The following INTS3 variants were observed in gnomAD, a reference collection of about 807,000 sequenced individuals.
The protein encoded by INTS3 is SOSS complex subunit A.
A neutral mutation model predicts 146.3 loss-of-function variants in INTS3; 34 were observed. The ratio of observed to expected loss-of-function variants is 0.23; its 90% confidence interval spans 0.18 to 0.31. The LOEUF is 0.31. INTS3 is among the 10% of genes least tolerant of loss of function. The pLI, the probability that INTS3 is intolerant of heterozygous loss-of-function variation, is 1.00. For synonymous variants in INTS3, 475 were observed against 494.9 expected, an observed-to-expected ratio of 0.96 and a Z score of 0.53; for missense variants, 757 against 1,304.2, an observed-to-expected ratio of 0.58 and a Z score of 6.46.
At position 153,772,803 on chromosome 1, in the gene INTS3, C is replaced by A; in HGVS notation, c.2894+92C>A. 1 of 1,576,950 alleles carries A rather than the reference C, an allele frequency of 6.3e-7. No homozygotes were observed. Among genetic ancestry groups the A allele is most frequent in the Non-Finnish European group, 8.6e-7 (1 of 1,158,468 alleles). On this transcript the variant is annotated intron_variant, in intron 28 of 29. Coordinates refer to ENST00000318967, the MANE Select transcript of INTS3 (RefSeq NM_023015.5). This position sits in a 1 kb window ranked among gnomAD's most constrained non-coding sequence, Gnocchi z 4.6. ...CTAGGGACATAAACGTAATGGCCAG[C>A]AAGACCTTAGGGTCCAGGGTTGAAG...
intron 23 of INTS3, 60 bp from the exon 24 acceptor site, chr1:153,770,134 GGTGT>G (rs375227443): frequency 1.0e-3 from 411 of 410,590 alleles, no homozygotes; most frequent in African/African-American, 1.9e-3. Flanking sequence ...GGGTGGGGGG[GGTGT>G]GTGTGTGTGT....
chr1:153,760,219 CA>C, intron 11 of INTS3, 91 bp from the exon 12 acceptor site: 2 of 814,170 alleles, frequency 2.5e-6, no homozygotes, highest in Non-Finnish European at 3.6e-6. Flanking sequence ...GGTGACAGAG[CA>C]AGACTCTGTT....
Position 153,770,713 on chromosome 1 carries a change from G to A in INTS3, c.2532G>A (p.Leu844=), listed in dbSNP as rs145226816. The change falls in exon 25 of 30, where the codon CTG becomes CTA. Residue 844 remains leucine (L), a synonymous_variant. Coordinates refer to ENST00000318967, the MANE Select transcript of INTS3 (RefSeq NM_023015.5). ...KEHPEALSCL[L]LQLRREKPSE... ...ACCCAGAGGCCCTGTCCTGCCTACT[G>A]CTTCAACTCCGAAGAGAAAAGTGAG... 6.8e-6 allele frequency: 11 copies of A among 1,613,728 alleles called. No individual in the cohort carries two copies. Among genetic ancestry groups the A allele is most frequent in the Non-Finnish European group, 9.3e-6 (11 of 1,179,788 alleles).
In INTS3 at chr1:153,773,988, T is replaced by TTTTTTTTTTG. The variant is rs1286303950; in HGVS notation, c.*738_*747dup. On this transcript the variant is annotated 3_prime_UTR_variant, in exon 30 of 30. Coordinates refer to ENST00000318967, the MANE Select transcript of INTS3 (RefSeq NM_023015.5). ...AATGATCCCATTTCCTTGAGTCTGT[T>TTTTTTTTTTG]TTTTTTTTTGTTTTTTTTTGTTTTT... 6.0e-6 allele frequency: 1 copy of TTTTTTTTTTG among 165,586 alleles called. No homozygotes were observed. Among genetic ancestry groups the TTTTTTTTTTG allele is most frequent in the Non-Finnish European group, 1.5e-5 (1 of 67,750 alleles). 10.3% of individuals were successfully genotyped at this position (165,586 alleles called of 1,614,324 possible). A position where few individuals can be genotyped will look rare whatever the true frequency, so the allele number is the denominator to read the frequency against.
intron 6 of INTS3, 85 bp from the exon 7 acceptor site, chr1:153,751,010 A>T: frequency 7.2e-7 from 1 of 1,387,420 alleles, no homozygotes; most frequent in Non-Finnish European, 9.9e-7. Flanking sequence ...TTTCTGAGGC[A>T]CTGTAGCCAA....
intron 3 of INTS3, among the ~76,000 whole-genome samples, chr1:153,742,618 C>T (rs553673695): frequency 1.8e-4 from 27 of 152,190 alleles, no homozygotes; most frequent in African/African-American, 6.5e-4. Context: ...TTGTTTGTTT[C>T]AGGTGATCTG....
intron 1 of INTS3, among the ~76,000 whole-genome samples, chr1:153,729,271 C>T (rs945346728): frequency 1.3e-5 from 2 of 152,060 alleles, no homozygotes; most frequent in Non-Finnish European, 2.9e-5. Context: ...GTTAACTGGG[C>T]ATCTAGAATG....
At chr1:153,764,602 C>A in intron 18 of INTS3, 88 bp from the exon 19 acceptor site, 2 of 969,822 alleles carry the variant, frequency 2.1e-6, no homozygotes, top group Non-Finnish European at 1.7e-6. Context: ...AGGGAAGGAG[C>A]AGGCTGGTGT....
chr1:153,740,931 A>G (rs994112110), intron 2 of INTS3, among the ~76,000 whole-genome samples, 197 bp downstream of exon 2: 18 of 152,058 alleles, frequency 1.2e-4, no homozygotes, highest in Admixed American at 3.9e-4. Flanking sequence ...CTTTCAGTAC[A>G]GCTTTTTATT....
At chr1:153,754,528 T>A in intron 8 of INTS3, 114 bp from the exon 9 acceptor site, 1 of 780,428 alleles carries the variant, frequency 1.3e-6, no homozygotes, top group Non-Finnish European at 2.3e-6. Context: ...TCTTGGAATT[T>A]CTCCGTGAGC....
intron 3 of INTS3, among the ~76,000 whole-genome samples, chr1:153,746,019 G>T (rs990554674): frequency 1.3e-5 from 2 of 152,154 alleles, no homozygotes; most frequent in Non-Finnish European, 2.9e-5. Flanking sequence ...GCTGCAATGA[G>T]CTATGATCAT....
intron 5 of INTS3, 63 bp downstream of exon 5, chr1:153,747,426 A>G (rs913303279): frequency 1.1e-5 from 13 of 1,229,842 alleles, no homozygotes; most frequent in Middle Eastern, 1.9e-4. Context: ...CATAGAGACA[A>G]TGGAGAATGA....
At position 153,772,410 on chromosome 1, in the gene INTS3, C is replaced by T. The variant is rs763417423; in HGVS notation, c.2791C>T (p.Arg931Trp). 6.2e-7 allele frequency: 1 copy of T among 1,614,134 alleles called. No individual in the cohort carries two copies. The highest frequency in any genetic ancestry group is 8.5e-7 in the Non-Finnish European group (1 of 1,180,022). The change falls in exon 27 of 30, where the codon CGG becomes TGG. Residue 931 changes from arginine (R) to tryptophan (W), a missense_variant. Around this residue, in one of 8 missense-constraint regions of INTS3, gnomAD observed 125 missense variants for 165.6 expected, o/e 0.75. Coordinates refer to ENST00000318967, the MANE Select transcript of INTS3 (RefSeq NM_023015.5). The surrounding 1 kb of genome is among the most constrained non-coding windows in gnomAD (Gnocchi z 4.6). ...EQILEHLDNLRLNLTNTKQNF... is the reference protein window; with the variant it reads ...EQILEHLDNLWLNLTNTKQNF... ...GATCCTGGAGCACTTGGACAATCTG[C>T]GGCTCAACCTGACCAACACCAAGCA...
At chr1:153,729,665 A>C (rs1384456505) in intron 1 of INTS3, among the ~76,000 whole-genome samples, 1 of 152,168 alleles carries the variant, frequency 6.6e-6, no homozygotes, top group Non-Finnish European at 1.5e-5. Context: ...CAAGAGATCG[A>C]GACCATCCTG....
In INTS3 at chr1:153,728,174, CGCT is replaced by C. The variant is rs1670919282; in HGVS notation, c.-458_-456del. ...ACCCCCTAGGGGCCGGATCCAAAGG[CGCT>C]GCACTCCCCAAGCCTTGGGGCATCA... On this transcript the variant is annotated 5_prime_UTR_variant, in exon 1 of 30. Coordinates refer to ENST00000318967, the MANE Select transcript of INTS3 (RefSeq NM_023015.5). 1 of 397,234 alleles carries C rather than the reference CGCT, an allele frequency of 2.5e-6. No individual in the cohort carries two copies. The highest frequency in any genetic ancestry group is 4.4e-6 in the Non-Finnish European group (1 of 225,342). 24.6% of individuals were successfully genotyped at this position (397,234 alleles called of 1,614,324 possible).
At chr1:153,740,831 A>T in intron 2 of INTS3, 97 bp downstream of exon 2, 1 of 945,042 alleles carries the variant, frequency 1.1e-6, no homozygotes, top group South Asian at 1.3e-5. Context: ...GGGGTAGGGG[A>T]CTGAAATTCA....
In INTS3 at chr1:153,762,817, A is replaced by G; in HGVS notation, c.1606A>G (p.Ser536Gly). ...SCYDNAEAAF[S>G]DDEEDLNSKG... ...CTATGACAATGCAGAGGCAGCCTTC[A>G]GTGACGATGAAGAGGATCTCAACAG... Residue 536 changes from serine (S) to glycine (G), a missense_variant, in exon 15 of 30, where the codon AGT (serine) becomes GGT (glycine). Transcript: ENST00000318967. 6.2e-7 allele frequency: 1 copy of G among 1,614,206 alleles called. No individual in the cohort carries two copies. Among genetic ancestry groups the G allele is most frequent in the East Asian group, 2.2e-5 (1 of 44,884 alleles).
In INTS3 at chr1:153,772,023, TGG is replaced by T. The variant is rs1558012131; in HGVS notation, c.2720+61_2720+62del. On this transcript the variant is annotated intron_variant, in intron 26 of 29. Coordinates refer to ENST00000318967, the MANE Select transcript of INTS3 (RefSeq NM_023015.5). The surrounding 1 kb of genome is among the most constrained non-coding windows in gnomAD (Gnocchi z 4.6). Reference sequence around the variant, plus strand: ...GGCGGTCTGCAGTGATTGCTGTCGGTGGTGGTGGTGGTGGTGGTGGTGGTGGT... The same window carrying T: ...GGCGGTCTGCAGTGATTGCTGTCGGTTGGTGGTGGTGGTGGTGGTGGTGGT... 10 of 883,478 alleles carry T rather than the reference TGG, an allele frequency of 1.1e-5. No homozygotes were observed. The African/African-American group carries it at 3.8e-4, about 34-fold the overall frequency. The allele number at this position is 883,478 out of a possible 1,614,324, so 54.7% of individuals were successfully genotyped here.
intron 20 of INTS3, 110 bp from the exon 21 acceptor site, chr1:153,767,564 C>G: frequency 8.6e-7 from 1 of 1,166,570 alleles, no homozygotes; most frequent in East Asian, 2.7e-5. Context: ...CAGATTAGCA[C>G]AGGGCATCTG....
Sources: allele counts gnomAD v4.1 joint callset (sites outside exome capture counted in the v4.1 genomes callset), GRCh38; gene constraint gnomAD v4.1.1; regional missense constraint gnomAD v4.1.1; non-coding constraint Gnocchi (gnomAD v3.1); transcripts MANE v1.5; gene names NCBI Gene and HGNC (gene_info 2026-07-23, HGNC 2026-07-21).